AMD1: variants seen among roughly 807,000 people sequenced by gnomAD.
AMD1 encodes the protein S-adenosylmethionine decarboxylase proenzyme.
Under a neutral mutation model 40.2 loss-of-function variants are expected in AMD1, and 11 were observed. The ratio of observed to expected loss-of-function variants is 0.27; its 90% CI spans 0.17 to 0.45. AMD1 has a LOEUF of 0.45. Among genes scored for constraint, AMD1 ranks in the 20% least tolerant of loss-of-function variants. The pLI, the probability that AMD1 is intolerant of heterozygous loss-of-function variation, is 1.00. For synonymous variants in AMD1, 121 were observed against 130.8 expected, an observed-to-expected ratio of 0.93 and a Z score of 0.51; for missense variants, 257 against 410.2, an observed-to-expected ratio of 0.63 and a Z score of 3.23.
the AMD1 span, among the ~76,000 whole-genome samples, chr6:110,864,686 C>T: frequency 2.0e-5 from 3 of 152,198 alleles, no homozygotes; most frequent in African/African-American, 7.2e-5. Context: ...CCTTAACTTT[C>T]TAACTTTGTC....
At chr6:110,835,751 G>T in the AMD1 span, among the ~76,000 whole-genome samples, 10 of 152,116 alleles carry the variant, frequency 6.6e-5, no homozygotes, top group African/African-American at 2.4e-4. Flanking sequence ...TGTAATCCCA[G>T]CTACTCAAGA....
the AMD1 span, among the ~76,000 whole-genome samples, chr6:110,830,337 G>A: frequency 6.6e-5 from 10 of 151,920 alleles, no homozygotes; most frequent in Non-Finnish European, 1.5e-4. Context: ...TGTTTGTTTC[G>A]AGACAGGATC....
the AMD1 span, among the ~76,000 whole-genome samples, chr6:110,843,707 C>T: frequency 6.6e-6 from 1 of 152,090 alleles, no homozygotes; most frequent in Non-Finnish European, 1.5e-5. Context: ...TCCACCTCAG[C>T]TTCCTGAGTA....
chr6:110,821,886 A>T, the AMD1 span, among the ~76,000 whole-genome samples: 1 of 152,210 alleles, frequency 6.6e-6, no homozygotes, highest in African/African-American at 2.4e-5. Flanking sequence ...ACAAATTGAC[A>T]ACCTAACATC....
chr6:110,889,202 AATG>A (rs1785874075), intron 3 of AMD1: 1 of 346,322 alleles, frequency 2.9e-6, no homozygotes, highest in Non-Finnish European at 5.0e-6. Context: ...GGGAGAAAGA[AATG>A]AAGAAGCCAG....
At chr6:110,846,328 TTAA>T in the AMD1 span, among the ~76,000 whole-genome samples, 1 of 152,134 alleles carries the variant, frequency 6.6e-6, no homozygotes, top group African/African-American at 2.4e-5. Context: ...GAAAAAAACA[TTAA>T]TGAGGAAGAC....
At chr6:110,872,413 G>C (rs1444807003), upstream of AMD1, among the ~76,000 whole-genome samples, 10 of 152,154 alleles carry the variant, frequency 6.6e-5, no homozygotes, top group Non-Finnish European at 1.5e-4. Flanking sequence ...TAGTGAATGG[G>C]AGTCCTTTAA....
At chr6:110,829,993 G>C in the AMD1 span, among the ~76,000 whole-genome samples, 1 of 151,750 alleles carries the variant, frequency 6.6e-6, no homozygotes, top group Non-Finnish European at 1.5e-5. Flanking sequence ...AAATGTTAAG[G>C]ATCTTTGTTT....
the AMD1 span, among the ~76,000 whole-genome samples, chr6:110,853,918 C>A: frequency 1.3e-5 from 2 of 152,208 alleles, no homozygotes; most frequent in Non-Finnish European, 2.9e-5. Context: ...TCCTCTAATA[C>A]TCCATCGCAC....
At chr6:110,843,091 C>G in the AMD1 span, among the ~76,000 whole-genome samples, 3 of 151,644 alleles carry the variant, frequency 2.0e-5, no homozygotes, top group Non-Finnish European at 4.4e-5. Flanking sequence ...CGAGATCGGG[C>G]CACTGCACTC....
At chr6:110,822,655 C>A in the AMD1 span, among the ~76,000 whole-genome samples, 2 of 152,150 alleles carry the variant, frequency 1.3e-5, no homozygotes, top group Non-Finnish European at 2.9e-5. Context: ...ACAAATATCC[C>A]TGATGAACAT....
the AMD1 span, among the ~76,000 whole-genome samples, chr6:110,859,365 C>T: frequency 6.6e-6 from 1 of 151,948 alleles, no homozygotes; most frequent in Non-Finnish European, 1.5e-5. Context: ...AAGCCGTATC[C>T]CCATACGTGT....
At chr6:110,858,701 G>A in the AMD1 span, 3 of 792,376 alleles carry the variant, frequency 3.8e-6, no homozygotes, top group Admixed American at 2.1e-5. Flanking sequence ...GCCGAACTTC[G>A]ACGACGCCAC....
Position 110,893,962 on chromosome 6 carries a change from TCCAA to T in AMD1, c.*347_*350del. ...CAGTGTAATATTTCTCCAAGTATCA[TCCAA>T]AATTCCCCACAGACAAGGCTTTCGT... On this transcript the variant is annotated 3_prime_UTR_variant, in exon 9 of 9. Transcript: ENST00000368885. 4.6e-6 allele frequency: 1 copy of T among 217,256 alleles called. No homozygotes were observed. Among genetic ancestry groups the T allele is most frequent in the Admixed American group, 5.2e-5 (1 of 19,406 alleles). The allele number at this position is 217,256 out of a possible 1,614,324, so 13.5% of individuals were successfully genotyped here.
intron 1 of AMD1, among the ~76,000 whole-genome samples, chr6:110,885,727 A>G (rs934625345): frequency 3.3e-5 from 5 of 152,232 alleles, no homozygotes. Flanking sequence ...TTGCTTAGTC[A>G]TGTTATAGTC....
Position 110,893,793 on chromosome 6 carries a change from GT to G in AMD1, c.*179del, listed in dbSNP as rs1786168123. On this transcript the variant is annotated 3_prime_UTR_variant, in exon 9 of 9. Transcript: ENST00000368885. The stretch of plus-strand genomic sequence containing the variant: ...ATTGTATGCATTATTATATCAAGGA[GT>G]TAGATATCTTGCATGAATGCTCTCT... 1.5e-6 allele frequency: 1 copy of G among 661,136 alleles called. No individual in the cohort carries two copies. The highest frequency in any genetic ancestry group is 1.8e-5 in the African/African-American group (1 of 55,090). 41.0% of individuals were successfully genotyped at this position (661,136 alleles called of 1,614,324 possible). A position where few individuals can be genotyped will look rare whatever the true frequency, so the allele number is the denominator to read the frequency against.
the AMD1 span, among the ~76,000 whole-genome samples, chr6:110,848,949 T>C: frequency 6.6e-6 from 1 of 152,218 alleles, no homozygotes; most frequent in Non-Finnish European, 1.5e-5. Flanking sequence ...GTGGCTGCAC[T>C]GAGCCTTGAT....
At chr6:110,879,278 T>TG (rs1232480342) in intron 1 of AMD1, among the ~76,000 whole-genome samples, 1 of 152,134 alleles carries the variant, frequency 6.6e-6, no homozygotes, top group Admixed American at 6.5e-5. Context: ...TTTGAGCCAT[T>TG]GGGGGATCGA....
rs1786206220 is a variant in AMD1 at position 110,894,570 on chromosome 6, T to C, written c.*954T>C. ...TAGCGTCTAATGAGTAGCACCCCTT[T>C]ACTAACTTAGTAGTAGTATAAAATC... On this transcript the variant is annotated 3_prime_UTR_variant, in exon 9 of 9. Coordinates refer to ENST00000368885, the MANE Select transcript of AMD1 (RefSeq NM_001634.6). 2 of 152,252 alleles carry C rather than the reference T, an allele frequency of 1.3e-5. No homozygotes were observed. The allele number at this position is 152,252 out of a possible 1,614,324, so 9.4% of individuals were successfully genotyped here.
Sources: gnomAD v4.1 joint callset for allele counts (sites outside exome capture counted in the v4.1 genomes callset) on GRCh38, gnomAD v4.1.1 for gene constraint, MANE v1.5 for transcripts, NCBI Gene and HGNC (gene_info 2026-07-23, HGNC 2026-07-21) for gene names.